EDA: variants seen among roughly 807,000 people sequenced by gnomAD.
EDA encodes ectodysplasin-A.
In EDA, 2 loss-of-function variants were observed where a neutral mutation model predicts 23.6. The observed-to-expected ratio is 0.08, with a 90% confidence interval of 0.03 to 0.27. The LOEUF is 0.27. Among genes scored for constraint, EDA ranks in the 10% least tolerant of loss-of-function variants. The pLI is 1.00. For synonymous variants in EDA, 131 were observed against 132.0 expected, an observed-to-expected ratio of 0.99 and a Z score of 0.05; for missense variants, 229 against 324.2, an observed-to-expected ratio of 0.71 and a Z score of 2.26.
chrX:69,632,110 A>G (rs1932617916), intron 1 of EDA, among the ~76,000 whole-genome samples: 1 of 111,618 alleles, frequency 9.0e-6, no homozygotes, highest in Admixed American at 9.5e-5. Flanking sequence ...TTCTTTTTGG[A>G]GTAGTCCCTT....
chrX:69,706,231 C>G (rs2047826265), intron 1 of EDA, among the ~76,000 whole-genome samples: 1 of 111,835 alleles, frequency 8.9e-6, no homozygotes, highest in African/African-American at 3.3e-5. Flanking sequence ...AAAGCATCTT[C>G]TATGCCAGCC....
At chrX:69,971,822 C>T (rs2019252568) in intron 2 of EDA, among the ~76,000 whole-genome samples, 1 of 111,277 alleles carries the variant, frequency 9.0e-6, no homozygotes, top group East Asian at 2.8e-4. Flanking sequence ...CAGTTAAGTA[C>T]TTAATGAATA....
At chrX:69,773,405 T>G (rs1007808273) in intron 1 of EDA, among the ~76,000 whole-genome samples, 8 of 112,085 alleles carry the variant, frequency 7.1e-5, no homozygotes, top group African/African-American at 2.6e-4. Flanking sequence ...GTCGCTGCTT[T>G]CAATTCTTTT....
chrX:69,795,870 C>T (rs982413937), intron 1 of EDA, among the ~76,000 whole-genome samples: 5 of 112,149 alleles, frequency 4.5e-5, no homozygotes, highest in African/African-American at 6.5e-5. Flanking sequence ...GGCCCAGCTC[C>T]GCCCCCTCCC....
At chrX:69,821,689 G>A (rs755343582) in intron 1 of EDA, among the ~76,000 whole-genome samples, 1 of 112,179 alleles carries the variant, frequency 8.9e-6, no homozygotes, top group South Asian at 3.7e-4. Context: ...GAATACAGAT[G>A]TAAGTCAGAT....
intron 1 of EDA, among the ~76,000 whole-genome samples, chrX:69,622,327 C>T (rs1932216521): frequency 8.9e-6 from 1 of 111,921 alleles, no homozygotes; most frequent in South Asian, 3.7e-4. Flanking sequence ...ACATGCTCAC[C>T]AGCAATGTAT....
intron 1 of EDA, among the ~76,000 whole-genome samples, chrX:69,677,758 C>A (rs1196863800): frequency 9.0e-6 from 1 of 111,428 alleles, no homozygotes; most frequent in Non-Finnish European, 1.9e-5. Flanking sequence ...TGAAAATTTT[C>A]TCCCATTCTG....
chrX:69,740,523 A>G (rs1465769764), intron 1 of EDA, among the ~76,000 whole-genome samples: 1 of 110,723 alleles, frequency 9.0e-6, no homozygotes, highest in African/African-American at 3.3e-5. Context: ...TGTTAAACCT[A>G]TTGGGTTCCC....
At chrX:69,766,467 T>C (rs1049623842) in intron 1 of EDA, among the ~76,000 whole-genome samples, 1 of 111,211 alleles carries the variant, frequency 9.0e-6, no homozygotes, top group Non-Finnish European at 1.9e-5. Flanking sequence ...CAGTGTCTTA[T>C]AGGTCCTTAG....
chrX:69,959,195 C>G (rs923803797), intron 2 of EDA, among the ~76,000 whole-genome samples: 1 of 111,887 alleles, frequency 8.9e-6, no homozygotes, highest in African/African-American at 3.2e-5. Context: ...TATATACTTC[C>G]CTCCTGATCT....
At chrX:69,748,181 A>G (rs1267449445) in intron 1 of EDA, among the ~76,000 whole-genome samples, 1 of 110,763 alleles carries the variant, frequency 9.0e-6, no homozygotes, top group Non-Finnish European at 1.9e-5. Context: ...GAGTTCCAAG[A>G]TTTGGTGGAG....
chrX:69,945,092 C>T (rs989011356), intron 1 of EDA, among the ~76,000 whole-genome samples: 3 of 112,253 alleles, frequency 2.7e-5, no homozygotes, highest in African/African-American at 9.7e-5. Flanking sequence ...CTTTCCTACC[C>T]TCTTCACTGC....
intron 1 of EDA, 129 bp downstream of exon 1, chrX:69,616,833 A>G: frequency 1.1e-6 from 1 of 917,780 alleles, no homozygotes; most frequent in South Asian, 2.3e-5. Context: ...GGGAGGGACC[A>G]GGCGAGCAAG....
intron 2 of EDA, among the ~76,000 whole-genome samples, chrX:69,987,079 T>A (rs1174540876): frequency 2.7e-5 from 2 of 73,772 alleles, no homozygotes; most frequent in African/African-American, 1.1e-4. Flanking sequence ...AACAATGAGA[T>A]CACATGGACA....
intron 1 of EDA, among the ~76,000 whole-genome samples, chrX:69,825,753 T>G (rs1240526084): frequency 8.9e-6 from 1 of 111,810 alleles, no homozygotes; most frequent in African/African-American, 3.3e-5. Context: ...TTTGAATGTG[T>G]TTGCTCTTGC....
chrX:69,798,561 A>G (rs1450165475), intron 1 of EDA, among the ~76,000 whole-genome samples: 1 of 111,878 alleles, frequency 8.9e-6, no homozygotes, highest in Non-Finnish European at 1.9e-5. Context: ...ATGCTCCTGG[A>G]TGACCACTGA....
In EDA at chrX:69,949,741, G is replaced by C. The variant is rs183396524; in HGVS notation, c.397-7286G>C. On this transcript the variant is annotated intron_variant, in intron 1 of 7. Transcript: ENST00000374552. ...TAAGTATGTCCCCTCCAAAATGTAG[G>C]TGTTGCCAATGTGGTGGTATTAAGA... is the stretch of plus-strand genomic sequence containing the variant. 4.5e-5 allele frequency among the ~76,000 whole-genome samples: 5 copies of C among 111,872 alleles called. No homozygotes were observed. The East Asian group carries it at 1.1e-3, about 25-fold the overall frequency.
At chrX:69,834,966 C>G (rs1311904295) in intron 1 of EDA, among the ~76,000 whole-genome samples, 1 of 84,418 alleles carries the variant, frequency 1.2e-5, no homozygotes, top group Admixed American at 1.2e-4. Context: ...TTCTCCTTCA[C>G]TTATGAAGCT....
intron 1 of EDA, among the ~76,000 whole-genome samples, chrX:69,949,323 G>T (rs1309128466): frequency 1.8e-5 from 2 of 111,576 alleles, no homozygotes; most frequent in African/African-American, 6.5e-5. Context: ...AGAGGACTTT[G>T]TTTTTTTAGT....
Sources: gnomAD v4.1 joint callset for allele counts (sites outside exome capture counted in the v4.1 genomes callset) on GRCh38, gnomAD v4.1.1 for gene constraint, MANE v1.5 for transcripts, NCBI Gene and HGNC (gene_info 2026-07-23, HGNC 2026-07-21) for gene names.